The following GAD2 variants were observed in gnomAD, a reference collection of about 807,000 sequenced individuals.
GAD2 encodes the protein 65 kDa glutamic acid decarboxylase.
GAD2 carries 22 observed loss-of-function variants against 80.1 expected under a neutral mutation model. That is an observed-to-expected ratio of 0.27 (90% CI 0.20 to 0.39). The LOEUF (loss-of-function observed/expected upper bound fraction) is 0.39. Among genes scored for constraint, GAD2 ranks in the 10% least tolerant of loss-of-function variants. The probability of loss-of-function intolerance (pLI) is 1.00; values close to 1 mark genes in which losing one functional copy is unlikely to be tolerated. For synonymous variants in GAD2, 274 were observed against 256.9 expected (o/e 1.07, Z -0.64); for missense variants, 624 against 738.4 (o/e 0.85, Z 1.80).
intron 13 of GAD2, among the ~76,000 whole-genome samples, chr10:26,290,522 T>C (rs1219465368): frequency 1.3e-5 from 2 of 152,212 alleles, no homozygotes; most frequent in Admixed American, 1.3e-4. Context: ...GAAAGTCTAA[T>C]TGACTGAAGG....
intron 8 of GAD2, among the ~76,000 whole-genome samples, chr10:26,248,759 A>G (rs908454848): frequency 1.3e-5 from 2 of 152,072 alleles, no homozygotes; most frequent in Admixed American, 6.6e-5. Context: ...ACACCTTTTT[A>G]TATTGCCTGA....
chr10:26,290,762 G>A (rs1238126967), intron 13 of GAD2, among the ~76,000 whole-genome samples: 1 of 152,194 alleles, frequency 6.6e-6, no homozygotes, highest in Non-Finnish European at 1.5e-5. Context: ...CTTGGATGGT[G>A]AGATTGCTGA....
At chr10:26,296,396 A>C (rs1834273680) in intron 15 of GAD2, among the ~76,000 whole-genome samples, 1 of 152,094 alleles carries the variant, frequency 6.6e-6, no homozygotes, top group South Asian at 2.1e-4. Flanking sequence ...AGAGTGCACT[A>C]TTTGGGGACA....
Position 26,229,690 on chromosome 10 carries a change from G to C in GAD2, c.753G>C (p.Met251Ile), listed in dbSNP as rs1209422137. The change falls in exon 7 of 16, where the codon ATG becomes ATC. Residue 251 changes from methionine to isoleucine, a missense_variant. Coordinates refer to ENST00000376261, the MANE Select transcript of GAD2 (RefSeq NM_001134366.2). Reference protein sequence around the residue: ...PGGAISNMYAMMIARFKMFPE... With the variant: ...PGGAISNMYAIMIARFKMFPE... ...GCGCCATATCTAACATGTATGCCAT[G>C]ATGATCGCACGCTTTAAGATGTTCC... 6.2e-7 allele frequency: 1 copy of C among 1,614,150 alleles called. No individual in the cohort carries two copies. The highest frequency in any genetic ancestry group is 8.5e-7 in the Non-Finnish European group (1 of 1,180,016).
chr10:26,216,544 T>C (rs1844372669), upstream of GAD2: 2 of 324,768 alleles, frequency 6.2e-6, no homozygotes, highest in Non-Finnish European at 5.5e-6. The surrounding 1 kb of genome is among the most constrained non-coding windows in gnomAD (Gnocchi z 4.7). Context: ...CGAGGACCCT[T>C]AGGTAGTCCC....
chr10:26,231,235 G>A (rs79291772), intron 7 of GAD2, among the ~76,000 whole-genome samples: 3 of 152,338 alleles, frequency 2.0e-5, no homozygotes, highest in South Asian at 2.1e-4. Context: ...AGGGCCTAGA[G>A]GGAGACTCAG....
intron 7 of GAD2, among the ~76,000 whole-genome samples, chr10:26,245,200 G>A (rs1844790560): frequency 6.6e-6 from 1 of 150,812 alleles, no homozygotes; most frequent in Non-Finnish European, 1.5e-5. Context: ...AATGCACAGT[G>A]GTGCCTGTCG....
intron 8 of GAD2, among the ~76,000 whole-genome samples, chr10:26,264,343 C>T (rs965682934): frequency 4.8e-5 from 7 of 146,362 alleles, no homozygotes; most frequent in South Asian, 2.2e-4. Flanking sequence ...GACAGAGTCT[C>T]GCTCTGTCGC....
At chr10:26,275,790 T>C (rs536465464) in intron 11 of GAD2, among the ~76,000 whole-genome samples, 1 of 152,244 alleles carries the variant, frequency 6.6e-6, no homozygotes, top group African/African-American at 2.4e-5. Context: ...GTAGAAGAAA[T>C]CCGTAGTCAA....
At position 26,271,761 on chromosome 10, in the gene GAD2, C is replaced by CT. The variant is rs369326708; in HGVS notation, c.1092+1015dup. 7.4e-3 allele frequency among the ~76,000 whole-genome samples: 1,103 copies of CT among 149,506 alleles called. 18 individuals carry two copies. Among genetic ancestry groups the CT allele is most frequent in the African/African-American group, 0.025 (1,020 of 40,812 alleles). ...TAATTATTCAGACCAAATTAATGCT[C>CT]TTTTTTTTTTCTTTTTGAGACAGAG... On this transcript the variant is annotated intron_variant, in intron 10 of 15. Transcript: ENST00000376261.
intron 6 of GAD2, among the ~76,000 whole-genome samples, chr10:26,226,717 T>A (rs1229128248): frequency 1.3e-5 from 2 of 152,202 alleles, no homozygotes; most frequent in Admixed American, 1.3e-4. Context: ...AAGAGTTAGG[T>A]CTGTGACTTA....
At chr10:26,238,290 G>A (rs1180835177) in intron 7 of GAD2, among the ~76,000 whole-genome samples, 3 of 152,156 alleles carry the variant, frequency 2.0e-5, no homozygotes, top group African/African-American at 7.2e-5. Flanking sequence ...TCATGGCTCA[G>A]CATGAGAAAG....
chr10:26,250,245 G>A (rs911249485), intron 8 of GAD2, among the ~76,000 whole-genome samples: 7 of 152,160 alleles, frequency 4.6e-5, no homozygotes, highest in African/African-American at 1.7e-4. Context: ...TGAACTCCTA[G>A]CCTCAAACAA....
chr10:26,283,235 A>G (rs536892995), intron 12 of GAD2, among the ~76,000 whole-genome samples: 29 of 152,238 alleles, frequency 1.9e-4, no homozygotes, highest in Non-Finnish European at 3.4e-4. Context: ...TTTGAGTAAA[A>G]CATAGAAGCT....
intron 7 of GAD2, among the ~76,000 whole-genome samples, chr10:26,236,815 T>C (rs74129128): frequency 0.026 from 4,031 of 152,270 alleles, 191 homozygotes; most frequent in African/African-American, 0.092. Flanking sequence ...TCAGCACCCC[T>C]GCTCCTGTGC....
At chr10:26,288,429 T>G (rs1379486058) in intron 13 of GAD2, among the ~76,000 whole-genome samples, 2 of 152,154 alleles carry the variant, frequency 1.3e-5, no homozygotes, top group Non-Finnish European at 2.9e-5. Context: ...CTTCCTCTTT[T>G]GAAAATTGAC....
At position 26,304,190 on chromosome 10, in the gene GAD2, G is replaced by C. The variant is rs979480383; in HGVS notation, c.*3229G>C. 32 of 152,580 alleles carry C rather than the reference G, an allele frequency of 2.1e-4. 1 individual carries two copies. The highest frequency in any genetic ancestry group is 7.7e-4 in the African/African-American group (32 of 41,422). The allele number at this position is 152,580 out of a possible 1,614,324, so 9.5% of individuals were successfully genotyped here. On this transcript the variant is annotated 3_prime_UTR_variant, in exon 16 of 16. Transcript: ENST00000376261. ...CAAAATCGTAGGTGTTGGCTCTGCT[G>C]GTCACTGGAGTAGTTGCTACTCTTC... is the stretch of plus-strand genomic sequence containing the variant.
At position 26,302,845 on chromosome 10, in the gene GAD2, T is replaced by C. The variant is rs1834342202; in HGVS notation, c.*1884T>C. The stretch of plus-strand genomic sequence containing the variant: ...TTCACTATGACAATCAGAAATAAAC[T>C]CTTTCATCTGTCCCGCAGAATTTCA... On this transcript the variant is annotated 3_prime_UTR_variant, in exon 16 of 16. Transcript: ENST00000376261. The C allele has an allele frequency of 6.6e-6, 1 of 152,218 alleles. No individual in the cohort carries two copies. Among genetic ancestry groups the C allele is most frequent in the Admixed American group, 6.5e-5 (1 of 15,276 alleles). The allele number at this position is 152,218 out of a possible 1,614,324, so 9.4% of individuals were successfully genotyped here.
chr10:26,277,679 G>A (rs762112688), intron 11 of GAD2, among the ~76,000 whole-genome samples: 5 of 152,134 alleles, frequency 3.3e-5, no homozygotes, highest in Non-Finnish European at 5.9e-5. Context: ...CCTAGGAGAG[G>A]GGGAGAGAGA....
Sources: gnomAD v4.1 joint callset for allele counts (sites outside exome capture counted in the v4.1 genomes callset) on GRCh38, gnomAD v4.1.1 for gene constraint, Gnocchi (gnomAD v3.1) non-coding constraint, MANE v1.5 for transcripts, NCBI Gene and HGNC (gene_info 2026-07-23, HGNC 2026-07-21) for gene names.